The following DNAH7 variants were observed in gnomAD, a reference collection of about 807,000 sequenced individuals.
DNAH7 encodes dynein axonemal heavy chain 7, also known as axonemal beta dynein heavy chain 7.
In DNAH7, 397 loss-of-function variants were observed where a neutral mutation model predicts 444.6. The ratio of observed to expected loss-of-function variants is 0.89; its 90% CI spans 0.82 to 0.97. The LOEUF (loss-of-function observed/expected upper bound fraction) is 0.97. Among genes scored for constraint, DNAH7 ranks in the 50% least tolerant of loss-of-function variants. The pLI, the probability that DNAH7 is intolerant of heterozygous loss-of-function variation, is 0.00. For synonymous variants in DNAH7, 1,636 were observed against 1,624.4 expected (o/e 1.01, Z -0.17); for missense variants, 4,902 against 4,800.8 (o/e 1.02, Z -0.62).
chr2:195,993,504 G>A lies in DNAH7; in HGVS notation c.1354-5275C>T, dbSNP rs148748494. ...ATCAACTGGAAAGTCACAAACATGT[G>A]GGGGATAGGGGAGTGGGCACAGTTT... is the stretch of plus-strand genomic sequence containing the variant. On this transcript the variant is annotated intron_variant, in intron 12 of 64. Transcript: ENST00000312428. 3.0e-3 allele frequency among the ~76,000 whole-genome samples: 459 copies of A among 152,258 alleles called. 4 individuals are homozygous for A. Among genetic ancestry groups the A allele is most frequent in the Non-Finnish European group, 5.4e-3 (368 of 67,998 alleles).
intron 47 of DNAH7, among the ~76,000 whole-genome samples, chr2:195,836,040 G>A (rs1178110628): frequency 6.6e-6 from 1 of 152,130 alleles, no homozygotes; most frequent in East Asian, 1.9e-4. Context: ...GGTTTCAGCA[G>A]GTTTGGTTTT....
At chr2:195,773,821 G>A (rs1694948617) in intron 60 of DNAH7, among the ~76,000 whole-genome samples, 1 of 152,138 alleles carries the variant, frequency 6.6e-6, no homozygotes. Flanking sequence ...ATAGTGTGTG[G>A]CAGTTAACCA....
At chr2:196,053,723 C>A (rs1388786656) in intron 2 of DNAH7, among the ~76,000 whole-genome samples, 1 of 152,206 alleles carries the variant, frequency 6.6e-6, no homozygotes, top group Non-Finnish European at 1.5e-5. Context: ...TTGAAGTAGG[C>A]ACAACTCTTC....
chr2:195,846,906 C>T (rs1699025733), intron 46 of DNAH7, among the ~76,000 whole-genome samples: 1 of 149,816 alleles, frequency 6.7e-6, no homozygotes, highest in Non-Finnish European at 1.5e-5. Flanking sequence ...ATTGTGGGAC[C>T]TTGTGATCCT....
At chr2:195,857,342 C>T (rs758981231) in intron 44 of DNAH7, 35 bp downstream of exon 44, 7 of 1,492,388 alleles carry the variant, frequency 4.7e-6, no homozygotes, top group Non-Finnish European at 6.3e-6. Flanking sequence ...TGAAGACAGA[C>T]CATACCAGCT....
chr2:195,915,900 A>G (rs1687644809), intron 24 of DNAH7, among the ~76,000 whole-genome samples: 1 of 152,264 alleles, frequency 6.6e-6, no homozygotes, highest in Non-Finnish European at 1.5e-5. Context: ...TGAGGATCAG[A>G]TAATTGCTCA....
chr2:196,044,514 G>A (rs941420237), intron 5 of DNAH7, among the ~76,000 whole-genome samples: 3 of 151,944 alleles, frequency 2.0e-5, no homozygotes, highest in Admixed American at 1.3e-4. Context: ...GATGATGAGT[G>A]CACCAAAATC....
intron 24 of DNAH7, among the ~76,000 whole-genome samples, chr2:195,912,114 C>T (rs545868248): frequency 1.8e-4 from 28 of 152,178 alleles, no homozygotes; most frequent in Admixed American, 1.8e-3. Context: ...GATAAGAAGA[C>T]CGTAAGTGAG....
chr2:195,826,555 A>G (rs1697763188), intron 48 of DNAH7, among the ~76,000 whole-genome samples: 1 of 152,200 alleles, frequency 6.6e-6, no homozygotes. Flanking sequence ...TGTATCTGTG[A>G]CTTTTATTAT....
intron 41 of DNAH7, among the ~76,000 whole-genome samples, chr2:195,863,662 T>C (rs993065837): frequency 6.6e-6 from 1 of 152,202 alleles, no homozygotes; most frequent in African/African-American, 2.4e-5. Context: ...TTTCCAGCCG[T>C]AGCTGAGTTC....
chr2:195,898,578 C>T (rs1264123748), intron 28 of DNAH7, among the ~76,000 whole-genome samples: 2 of 152,086 alleles, frequency 1.3e-5, no homozygotes, highest in African/African-American at 2.4e-5. Context: ...CGTGTCCAAG[C>T]GGCTTCAAAA....
At chr2:195,845,656 C>CA (rs1169506221) in intron 46 of DNAH7, among the ~76,000 whole-genome samples, 1 of 152,094 alleles carries the variant, frequency 6.6e-6, no homozygotes, top group Non-Finnish European at 1.5e-5. Context: ...GATACTGGTG[C>CA]AAAAACATAG....
Position 195,934,571 on chromosome 2 carries a change from T to G in DNAH7, c.3471+20A>C, listed in dbSNP as rs764079115. 2.2e-5 allele frequency: 36 copies of G among 1,604,738 alleles called. No individual in the cohort carries two copies. The highest frequency in any genetic ancestry group is 8.5e-5 in the Admixed American group (5 of 59,104). ...ATATTCTAGCATCCTTTTCTAAAAA[T>G]CATCAGTATAATCAGCTACCTTGTG... is the stretch of plus-strand genomic sequence containing the variant. On this transcript the variant is annotated intron_variant, in intron 21 of 64. Transcript: ENST00000312428.
chr2:195,887,315 T>C (rs1701763732), intron 33 of DNAH7, among the ~76,000 whole-genome samples: 1 of 152,046 alleles, frequency 6.6e-6, no homozygotes, highest in African/African-American at 2.4e-5. Flanking sequence ...CTTCAGTTCA[T>C]ATATGTTAAC....
intron 3 of DNAH7, 46 bp downstream of exon 3, chr2:196,051,141 T>C (rs759281326): frequency 1.9e-6 from 3 of 1,553,486 alleles, no homozygotes; most frequent in Non-Finnish European, 2.7e-6. Flanking sequence ...TAATAAACAT[T>C]TTTTGAAGCA....
chr2:196,038,148 C>T (rs1575077662), intron 5 of DNAH7, among the ~76,000 whole-genome samples: 3 of 151,880 alleles, frequency 2.0e-5, no homozygotes, highest in Admixed American at 1.3e-4. Flanking sequence ...ATCAAGAATA[C>T]TATACTTAGC....
chr2:195,926,677 T>C (rs911329297), intron 21 of DNAH7, 111 bp from the exon 22 acceptor site: 2 of 960,752 alleles, frequency 2.1e-6, no homozygotes, highest in Admixed American at 3.2e-5. Flanking sequence ...ACAACATTCT[T>C]AGACATTTAT....
In DNAH7 at chr2:195,957,424, A is replaced by G. The variant is rs752849424; in HGVS notation, c.2915T>C (p.Leu972Pro). 7 of 1,578,290 alleles carry G rather than the reference A, an allele frequency of 4.4e-6. No homozygotes were observed. In the East Asian group the frequency reaches 1.6e-4, roughly 36 times the overall value. The change falls in exon 19 of 65, where the codon CTG (leucine) becomes CCG (proline). Residue 972 changes from leucine (L) to proline (P), a missense_variant. Coordinates refer to ENST00000312428, the MANE Select transcript of DNAH7 (RefSeq NM_018897.3). ...CCATTCATCCAGAATCTCCTGAAGC[A>G]GTAGGAGCTTGCCCTCCCATTCTCT... ...QMREWEGKLL[L>P]LQEILDEWLK...
intron 54 of DNAH7, 142 bp downstream of exon 54, chr2:195,806,598 T>C: frequency 1.8e-6 from 1 of 550,662 alleles, no homozygotes; most frequent in East Asian, 3.2e-5. Flanking sequence ...TTGAAAAAAA[T>C]GTCTGCATTA....
Sources: gnomAD v4.1 joint callset for allele counts (sites outside exome capture counted in the v4.1 genomes callset) on GRCh38, gnomAD v4.1.1 for gene constraint, MANE v1.5 for transcripts, NCBI Gene and HGNC (gene_info 2026-07-23, HGNC 2026-07-21) for gene names.